RAPGEF6: variants seen among roughly 807,000 people sequenced by gnomAD.
The protein encoded by RAPGEF6 is PDZ domain containing guanine nucleotide exchange factor (GEF) 2.
A neutral mutation model predicts 171.4 loss-of-function variants in RAPGEF6; 56 were observed. The ratio of observed to expected loss-of-function variants is 0.33; its 90% CI spans 0.26 to 0.41. The LOEUF (loss-of-function observed/expected upper bound fraction) is 0.41, where lower values mean the gene tolerates loss of function less well. Ranked by LOEUF, RAPGEF6 falls within the 10% of genes least tolerant of loss-of-function variation. The pLI is 1.00. For synonymous variants in RAPGEF6, 692 were observed against 650.1 expected, an observed-to-expected ratio of 1.06 and a Z score of -0.98; for missense variants, 1,674 against 1,921.4, an observed-to-expected ratio of 0.87 and a Z score of 2.41.
chr5:131,625,924 TCTAC>T (rs1311620703), intron 1 of RAPGEF6, among the ~76,000 whole-genome samples: 8 of 152,148 alleles, frequency 5.3e-5, no homozygotes, highest in African/African-American at 1.9e-4. Context: ...ACATGTCCAG[TCTAC>T]CTGTATACCT....
chr5:131,468,006 G>C (rs1298920297), intron 17 of RAPGEF6, among the ~76,000 whole-genome samples: 1 of 151,914 alleles, frequency 6.6e-6, no homozygotes, highest in Non-Finnish European at 1.5e-5. Context: ...AGTCCAGCCT[G>C]GGTGACAGAG....
intron 5 of RAPGEF6, among the ~76,000 whole-genome samples, chr5:131,561,737 G>C (rs1218841547): frequency 6.6e-6 from 1 of 151,774 alleles, no homozygotes; most frequent in African/African-American, 2.4e-5. Flanking sequence ...TGGTAGAAGG[G>C]GGTAAAAAAT....
chr5:131,529,507 C>T (rs1164118342), intron 6 of RAPGEF6, among the ~76,000 whole-genome samples: 1 of 149,886 alleles, frequency 6.7e-6, no homozygotes, highest in Non-Finnish European at 1.5e-5. Flanking sequence ...CAACTGAAGA[C>T]GAAAGAGAAT....
Position 131,623,477 on chromosome 5 carries a change from C to CATTTTTT in RAPGEF6, c.69+11484_69+11485insAAAAAAT, listed in dbSNP as rs1554088737. Among the ~76,000 whole-genome samples the CATTTTTT allele has an allele frequency of 3.8e-3, 435 of 114,064 alleles. 9 individuals carry two copies. Among genetic ancestry groups the CATTTTTT allele is most frequent in the African/African-American group, 0.012 (353 of 29,592 alleles). The allele number at this position is 114,064 out of a possible 152,430, so 74.8% of individuals were successfully genotyped here. The stretch of plus-strand genomic sequence containing the variant: ...TAAAGGAACAGTATTTTTCACATTG[C>CATTTTTT]TTTTTTTTTTTTTTTTTTTTTGTGA... On this transcript the variant is annotated intron_variant, in intron 1 of 27. Coordinates refer to ENST00000509018, the MANE Select transcript of RAPGEF6 (RefSeq NM_016340.6).
intron 19 of RAPGEF6, among the ~76,000 whole-genome samples, chr5:131,461,504 G>T (rs1753934077): frequency 6.6e-6 from 1 of 152,010 alleles, no homozygotes; most frequent in African/African-American, 2.4e-5. Context: ...TTACAAAAAA[G>T]AAGTAAAAGA....
chr5:131,591,482 T>C (rs1172821364), intron 4 of RAPGEF6, among the ~76,000 whole-genome samples: 1 of 152,224 alleles, frequency 6.6e-6, no homozygotes, highest in Non-Finnish European at 1.5e-5. Flanking sequence ...GGTTGTATTA[T>C]TATGCTCATT....
chr5:131,436,938 T>TA, intron 24 of RAPGEF6, among the ~76,000 whole-genome samples: 1 of 152,232 alleles, frequency 6.6e-6, no homozygotes, highest in Non-Finnish European at 1.5e-5. Context: ...AGTTCTTGTT[T>TA]AAACTATCCT....
intron 1 of RAPGEF6, among the ~76,000 whole-genome samples, chr5:131,626,151 C>T (rs1283959753): frequency 6.6e-6 from 1 of 152,152 alleles, no homozygotes; most frequent in Non-Finnish European, 1.5e-5. Flanking sequence ...ACATCATGTA[C>T]CATCATCCCC....
At chr5:131,492,460 TAA>T in intron 14 of RAPGEF6, 120 bp downstream of exon 14, 1 of 930,456 alleles carries the variant, frequency 1.1e-6, no homozygotes, top group Non-Finnish European at 1.7e-6. Context: ...ATACTACCTC[TAA>T]AAAAAGGCTC....
chr5:131,436,388 G>C (rs1051965310), intron 24 of RAPGEF6: 1 of 1,533,522 alleles, frequency 6.5e-7, no homozygotes. Flanking sequence ...CCAACTGGAG[G>C]GAGAGATGCA....
chr5:131,574,963 T>C (rs1312703182), intron 4 of RAPGEF6, among the ~76,000 whole-genome samples: 1 of 152,168 alleles, frequency 6.6e-6, no homozygotes, highest in African/African-American at 2.4e-5. Flanking sequence ...TCTCCTATCC[T>C]ACCTGTCCAG....
At chr5:131,563,924 CAG>C (rs1761765982) in intron 4 of RAPGEF6, among the ~76,000 whole-genome samples, 1 of 152,072 alleles carries the variant, frequency 6.6e-6, no homozygotes, top group Non-Finnish European at 1.5e-5. Context: ...GATGGAATAA[CAG>C]GGACTGGGTT....
At chr5:131,472,121 G>T (rs571787644) in intron 17 of RAPGEF6, 5 of 163,636 alleles carry the variant, frequency 3.1e-5, no homozygotes, top group Admixed American at 1.8e-4. Flanking sequence ...GCCCAGGCTG[G>T]AGTGCAGTGG....
intron 1 of RAPGEF6, among the ~76,000 whole-genome samples, chr5:131,634,675 C>A (rs1766521551): frequency 6.6e-6 from 1 of 152,330 alleles, no homozygotes; most frequent in Non-Finnish European, 1.5e-5. Flanking sequence ...CTGCGAAACT[C>A]ATATTACCCA....
At chr5:131,499,193 T>A (rs1756844223) in intron 11 of RAPGEF6, among the ~76,000 whole-genome samples, 1 of 152,198 alleles carries the variant, frequency 6.6e-6, no homozygotes, top group South Asian at 2.1e-4. Flanking sequence ...TTCCTCTCCA[T>A]GCTAGGTCAC....
At chr5:131,435,331 T>A (rs1232707719) in intron 24 of RAPGEF6, among the ~76,000 whole-genome samples, 1 of 152,188 alleles carries the variant, frequency 6.6e-6, no homozygotes, top group Non-Finnish European at 1.5e-5. Context: ...AGCTGATTAG[T>A]CAATTTTTAA....
intron 15 of RAPGEF6, among the ~76,000 whole-genome samples, chr5:131,481,265 GCCCA>G (rs1755463071): frequency 6.7e-6 from 1 of 149,290 alleles, no homozygotes; most frequent in Non-Finnish European, 1.5e-5. Context: ...TCACTCTGTT[GCCCA>G]GGCTGGAGTT....
chr5:131,614,295 A>AAAAG lies in RAPGEF6; in HGVS notation c.70-9603_70-9602insCTTT, dbSNP rs1554087599. Reference sequence around the variant, plus strand: ...AGACTCTGTCTCAAAAAAAAAAAAAAAAAAAAAGAAAGAAAGAAAAAGAAA... The same window carrying AAAAG: ...AGACTCTGTCTCAAAAAAAAAAAAAAAAAGAAAAAAAGAAAGAAAGAAAAAGAAA... On this transcript the variant is annotated intron_variant, in intron 1 of 27. Coordinates refer to ENST00000509018, the MANE Select transcript of RAPGEF6 (RefSeq NM_016340.6). Among the ~76,000 whole-genome samples, 920 of 146,262 alleles carry AAAAG rather than the reference A, an allele frequency of 6.3e-3. 15 individuals carry two copies. Among genetic ancestry groups the AAAAG allele is most frequent in the African/African-American group, 0.022 (881 of 40,166 alleles).
chr5:131,543,525 G>A (rs1472633918), intron 6 of RAPGEF6, among the ~76,000 whole-genome samples: 1 of 152,138 alleles, frequency 6.6e-6, no homozygotes, highest in Non-Finnish European at 1.5e-5. Context: ...TCTGAAACAT[G>A]TGAAAGGAAG....
Sources: gnomAD v4.1 joint callset for allele counts (sites outside exome capture counted in the v4.1 genomes callset) on GRCh38, gnomAD v4.1.1 for gene constraint, MANE v1.5 for transcripts, NCBI Gene and HGNC (gene_info 2026-07-23, HGNC 2026-07-21) for gene names.